The following IDH2 variants were observed in gnomAD, a reference collection of about 807,000 sequenced individuals.
The protein encoded by IDH2 is isocitrate dehydrogenase (NADP(+)) 2.
In IDH2, 18 loss-of-function variants were observed where a neutral mutation model predicts 50.5. The ratio of observed to expected loss-of-function variants is 0.36; its 90% CI spans 0.25 to 0.53. IDH2 has a LOEUF of 0.53. IDH2 is among the 20% of genes least tolerant of loss of function. IDH2 has a pLI of 0.92. For synonymous variants in IDH2, 280 were observed against 239.8 expected, an observed-to-expected ratio of 1.17 and a Z score of -1.55; for missense variants, 518 against 610.7, an observed-to-expected ratio of 0.85 and a Z score of 1.60.
Position 90,085,921 on chromosome 15 carries a change from A to G in IDH2, c.968-534T>C, listed in dbSNP as rs72758623. 0.074 allele frequency among the ~76,000 whole-genome samples: 11,278 copies of G among 152,296 alleles called. 495 individuals are homozygous for G. Among genetic ancestry groups the G allele is most frequent in the South Asian group, 0.14 (654 of 4,822 alleles). Reference sequence around the variant, plus strand: ...ACTCCAGGGCTTCAAAGGCACCCCCATGACACCAAAATAAGGATTGAAGAA... The same window carrying G: ...ACTCCAGGGCTTCAAAGGCACCCCCGTGACACCAAAATAAGGATTGAAGAA... On this transcript the variant is annotated intron_variant, in intron 7 of 10. Transcript: ENST00000330062. The surrounding 1 kb of genome is among the most constrained non-coding windows in gnomAD (Gnocchi z 5.5).
Sources: allele counts gnomAD v4.1 joint callset (sites outside exome capture counted in the v4.1 genomes callset), GRCh38; gene constraint gnomAD v4.1.1; non-coding constraint Gnocchi (gnomAD v3.1); transcripts MANE v1.5; gene names NCBI Gene and HGNC (gene_info 2026-07-23, HGNC 2026-07-21).